The following UST variants were observed in gnomAD, a reference collection of about 807,000 sequenced individuals.
UST encodes the protein uronyl 2-sulfotransferase, also known as chondroitin sulfate 2-O-sulfotransferase.
A neutral mutation model predicts 45.6 loss-of-function variants in UST; 21 were observed. The ratio of observed to expected loss-of-function variants is 0.46; its 90% CI spans 0.33 to 0.66. The LOEUF is 0.66. UST is among the 30% of genes least tolerant of loss of function. UST has a pLI of 0.02. For missense variants in UST, 463 were observed against 512.4 expected, an observed-to-expected ratio of 0.90 and a Z score of 0.93; for synonymous variants, 215 against 200.6, an observed-to-expected ratio of 1.07 and a Z score of -0.61.
chr6:148,790,923 G>A lies in UST; in HGVS notation c.247+43246G>A, dbSNP rs1776833555. Among the ~76,000 whole-genome samples the A allele has an allele frequency of 6.6e-6, 1 of 152,210 alleles. No homozygotes were observed. Among genetic ancestry groups the A allele is most frequent in the South Asian group, 2.1e-4 (1 of 4,832 alleles). ...CCACTCCTTTGTAGGTTGTATCTGA[G>A]TACATGCACATCTCTCCCTCAGGAT... is the stretch of plus-strand genomic sequence containing the variant. On this transcript the variant is annotated intron_variant, in intron 1 of 7. Coordinates refer to ENST00000367463, the MANE Select transcript of UST (RefSeq NM_005715.3). This position sits in a 1 kb window ranked among gnomAD's most constrained non-coding sequence, Gnocchi z 4.2.
At chr6:149,049,878 C>G (rs1043993415) in intron 7 of UST, among the ~76,000 whole-genome samples, 2 of 151,288 alleles carry the variant, frequency 1.3e-5, no homozygotes, top group Non-Finnish European at 2.9e-5. Context: ...CTGGCAAATT[C>G]TAGCCAGTAG....
intron 1 of UST, among the ~76,000 whole-genome samples, chr6:148,802,922 A>G (rs886077872): frequency 1.3e-5 from 2 of 152,192 alleles, no homozygotes; most frequent in Non-Finnish European, 2.9e-5. Flanking sequence ...ATTGTTTTGT[A>G]AGGATTAAAC....
intron 2 of UST, among the ~76,000 whole-genome samples, chr6:148,909,464 A>G (rs961587655): frequency 2.6e-5 from 4 of 152,330 alleles, no homozygotes; most frequent in Admixed American, 6.5e-5. Flanking sequence ...TTCCACATAT[A>G]TGTATAAAAT....
chr6:149,003,217 T>C (rs1024080135), intron 5 of UST, among the ~76,000 whole-genome samples: 2 of 152,228 alleles, frequency 1.3e-5, no homozygotes, highest in African/African-American at 4.8e-5. Flanking sequence ...TAGAATAGTA[T>C]GGTTGAAAAC....
intron 2 of UST, among the ~76,000 whole-genome samples, chr6:148,904,881 C>T (rs778824502): frequency 1.6e-4 from 25 of 152,150 alleles, no homozygotes; most frequent in Non-Finnish European, 2.9e-4. Context: ...TCAGATTCCC[C>T]ATCTTGTAAG....
chr6:148,989,701 A>G (rs1393558594), intron 5 of UST, among the ~76,000 whole-genome samples: 2 of 152,232 alleles, frequency 1.3e-5, no homozygotes, highest in African/African-American at 4.8e-5. Flanking sequence ...GGGAGCCTAT[A>G]AAACTGAGAA....
intron 1 of UST, among the ~76,000 whole-genome samples, chr6:148,859,397 T>C (rs1267267380): frequency 6.9e-6 from 1 of 145,434 alleles, no homozygotes; most frequent in Non-Finnish European, 1.5e-5. Flanking sequence ...ATATTAGCCC[T>C]TTGTCAGATG....
chr6:148,833,775 A>G (rs554237315), intron 1 of UST, among the ~76,000 whole-genome samples: 1 of 152,312 alleles, frequency 6.6e-6, no homozygotes, highest in Admixed American at 6.5e-5. Context: ...AAAATTCAAC[A>G]TGCATGAATC....
chr6:148,946,943 C>G (rs1780252350), intron 3 of UST, among the ~76,000 whole-genome samples: 1 of 149,878 alleles, frequency 6.7e-6, no homozygotes, highest in Admixed American at 6.7e-5. Flanking sequence ...TATTAAACCC[C>G]AGACAGCCCA....
intron 1 of UST, among the ~76,000 whole-genome samples, chr6:148,785,198 C>G (rs1055326826): frequency 1.4e-5 from 2 of 144,608 alleles, no homozygotes; most frequent in African/African-American, 5.2e-5. Flanking sequence ...AAGACTCCAT[C>G]TTAAAAAAAA....
intron 2 of UST, among the ~76,000 whole-genome samples, chr6:148,890,773 G>A (rs867670616): frequency 6.6e-6 from 1 of 152,122 alleles, no homozygotes; most frequent in Non-Finnish European, 1.5e-5. Context: ...GAACTAAGCC[G>A]CTATTTACAG....
chr6:148,881,422 A>G (rs1232566758), intron 1 of UST, among the ~76,000 whole-genome samples: 1 of 152,214 alleles, frequency 6.6e-6, no homozygotes, highest in Non-Finnish European at 1.5e-5. Context: ...CTCTAAAGGT[A>G]TAGGTTACTT....
chr6:148,875,799 G>A (rs1050770632), intron 1 of UST, among the ~76,000 whole-genome samples: 7 of 152,128 alleles, frequency 4.6e-5, no homozygotes, highest in Admixed American at 6.5e-5. Flanking sequence ...GCAAGACTCC[G>A]CCTCAAAAAA....
chr6:149,010,015 T>G (rs1345552616), intron 5 of UST, among the ~76,000 whole-genome samples: 1 of 151,276 alleles, frequency 6.6e-6, no homozygotes. Context: ...ATATAAGTTT[T>G]TTTAAAAAAA....
chr6:148,886,729 G>A (rs1778918533), intron 1 of UST, among the ~76,000 whole-genome samples: 3 of 152,158 alleles, frequency 2.0e-5, no homozygotes, highest in Non-Finnish European at 4.4e-5. Flanking sequence ...AATGGTGCGT[G>A]TTACTGTGTG....
rs186870007 is a variant in UST, at chr6:148,761,832, T to C, written c.247+14155T>C. On this transcript the variant is annotated intron_variant, in intron 1 of 7. Coordinates refer to ENST00000367463, the MANE Select transcript of UST (RefSeq NM_005715.3). Reference sequence around the variant, plus strand: ...CCGAGTGTGGAGCCAACTTCAGCAGTGCGGGGTTAACATGGGTTACTCTTG... The same window carrying C: ...CCGAGTGTGGAGCCAACTTCAGCAGCGCGGGGTTAACATGGGTTACTCTTG... 2.5e-3 allele frequency among the ~76,000 whole-genome samples: 377 copies of C among 152,264 alleles called. 1 individual carries two copies. The highest frequency in any genetic ancestry group is 3.9e-3 in the Non-Finnish European group (267 of 68,010).
chr6:149,005,882 A>T (rs1001566705), intron 5 of UST, among the ~76,000 whole-genome samples: 3 of 152,222 alleles, frequency 2.0e-5, no homozygotes, highest in Admixed American at 6.5e-5. Context: ...GACAAGGTTC[A>T]CACTAACACA....
Position 148,826,519 on chromosome 6 carries a change from T to C in UST, c.248-60467T>C, listed in dbSNP as rs79281282. The stretch of plus-strand genomic sequence containing the variant: ...CAAAAATGACATGTACTTTTTATAT[T>C]GAATTGTTCACAGTTTTGTTCTTCT... On this transcript the variant is annotated intron_variant, in intron 1 of 7. Transcript: ENST00000367463. Among the ~76,000 whole-genome samples, 27 of 152,344 alleles carry C rather than the reference T, an allele frequency of 1.8e-4. No homozygotes were observed. The East Asian group carries it at 5.0e-3, about 28-fold the overall frequency.
intron 5 of UST, among the ~76,000 whole-genome samples, chr6:149,009,829 T>C (rs897967766): frequency 2.0e-5 from 3 of 151,828 alleles, no homozygotes; most frequent in African/African-American, 7.2e-5. Flanking sequence ...GTCTTTTTTT[T>C]TTTTGACATG....
Sources: gnomAD v4.1 joint callset for allele counts (sites outside exome capture counted in the v4.1 genomes callset) on GRCh38, gnomAD v4.1.1 for gene constraint, Gnocchi (gnomAD v3.1) non-coding constraint, MANE v1.5 for transcripts, NCBI Gene and HGNC (gene_info 2026-07-23, HGNC 2026-07-21) for gene names.